The following ZNF385D variants were observed in gnomAD, a reference collection of about 807,000 sequenced individuals.
ZNF385D encodes zinc finger protein 659.
Under a neutral mutation model 35.8 loss-of-function variants are expected in ZNF385D, and 15 were observed. That is an observed-to-expected ratio of 0.42 (90% CI 0.28 to 0.64). The LOEUF (loss-of-function observed/expected upper bound fraction) is 0.64. Among genes scored for constraint, ZNF385D ranks in the 30% least tolerant of loss-of-function variants. ZNF385D has a pLI of 0.23. For missense variants in ZNF385D, 474 were observed against 494.6 expected (o/e 0.96, Z 0.39); for synonymous variants, 212 against 186.8 (o/e 1.13, Z -1.10).
At chr3:22,318,670 A>C (rs1195042265) in intron 2 of ZNF385D, among the ~76,000 whole-genome samples, 1 of 152,180 alleles carries the variant, frequency 6.6e-6, no homozygotes, top group Non-Finnish European at 1.5e-5. Flanking sequence ...ATTACCCAAG[A>C]TTGAGCACGA....
chr3:21,437,110 T>C lies in ZNF385D; in HGVS notation c.533A>G (p.Glu178Gly), dbSNP rs150175196. Residue 178 changes from glutamate to glycine, a missense_variant, in exon 5 of 8, where the codon GAA (glutamate) becomes GGA (glycine). Coordinates refer to ENST00000281523, the MANE Select transcript of ZNF385D (RefSeq NM_024697.3). ...VMTTEITSKV[E>G]KSPTTATGNS... ...GCCAGTGGCTGTCGTTGGGCTTTTT[T>C]CCACTTTAGAGGTGATCTCAGTTGT... 2.5e-5 allele frequency: 40 copies of C among 1,613,874 alleles called. No homozygotes were observed. Among genetic ancestry groups the C allele is most frequent in the Non-Finnish European group, 3.2e-5 (38 of 1,179,912 alleles).
chr3:21,739,175 A>C (rs2069387246), intron 1 of ZNF385D, among the ~76,000 whole-genome samples: 1 of 152,190 alleles, frequency 6.6e-6, no homozygotes, highest in African/African-American at 2.4e-5. Context: ...TAGAGGTCTA[A>C]GTGGTAGACT....
intron 3 of ZNF385D, among the ~76,000 whole-genome samples, chr3:22,096,916 A>AATG (rs1017265008): frequency 2.6e-5 from 4 of 152,066 alleles, no homozygotes; most frequent in African/African-American, 9.7e-5. Context: ...GAAATGACCT[A>AATG]ATGTCACTCT....
At position 22,006,962 on chromosome 3, in the gene ZNF385D, A is replaced by T. The variant is rs1042947461; in HGVS notation, c.325+161855T>A. Among the ~76,000 whole-genome samples the T allele has an allele frequency of 2.0e-5, 3 of 152,224 alleles. No individual in the cohort carries two copies. The South Asian group carries it at 6.2e-4, about 32-fold the overall frequency. On this transcript the variant is annotated intron_variant, in intron 3 of 5. Transcript: ENST00000494108. Reference sequence around the variant, plus strand: ...GAGGAAAAAAAAAGTCATTTAATATAGACATCAAGGCCTTAGACCTAGGGA... The same window carrying T: ...GAGGAAAAAAAAAGTCATTTAATATTGACATCAAGGCCTTAGACCTAGGGA...
At chr3:22,289,997 T>G (rs1432544805) in intron 2 of ZNF385D, among the ~76,000 whole-genome samples, 1 of 152,042 alleles carries the variant, frequency 6.6e-6, no homozygotes, top group Non-Finnish European at 1.5e-5. Flanking sequence ...AAGCTTTGAG[T>G]TTTAGCCCCT....
At chr3:22,141,507 T>C (rs913380631) in intron 3 of ZNF385D, among the ~76,000 whole-genome samples, 4 of 152,098 alleles carry the variant, frequency 2.6e-5, no homozygotes, top group African/African-American at 9.7e-5. Flanking sequence ...TTTCCAAGAT[T>C]AAGAAGGCCA....
At chr3:21,611,466 C>A (rs1575317920) in intron 2 of ZNF385D, among the ~76,000 whole-genome samples, 3 of 152,298 alleles carry the variant, frequency 2.0e-5, no homozygotes, top group Non-Finnish European at 2.9e-5. Context: ...CAGTCTGAGA[C>A]TTTAGTAACC....
chr3:22,302,838 TA>T (rs1245769050), intron 2 of ZNF385D, among the ~76,000 whole-genome samples: 1 of 152,158 alleles, frequency 6.6e-6, no homozygotes, highest in Non-Finnish European at 1.5e-5. Context: ...TTTGTATTTT[TA>T]TTTTAAATCA....
intron 2 of ZNF385D, among the ~76,000 whole-genome samples, chr3:22,361,870 CAAT>C (rs1696424403): frequency 6.6e-6 from 1 of 151,812 alleles, no homozygotes; most frequent in Non-Finnish European, 1.5e-5. Context: ...TGGGAAGAAA[CAAT>C]AATTCCAACA....
At chr3:21,761,642 A>G (rs2070613673) in intron 3 of ZNF385D, among the ~76,000 whole-genome samples, 1 of 152,122 alleles carries the variant, frequency 6.6e-6, no homozygotes, top group Non-Finnish European at 1.5e-5. Flanking sequence ...TATAGAGAGG[A>G]TAAGACACTT....
chr3:22,093,350 T>C, intron 3 of ZNF385D, among the ~76,000 whole-genome samples: 1 of 151,546 alleles, frequency 6.6e-6, no homozygotes, highest in African/African-American at 2.4e-5. Context: ...AAATAAAATA[T>C]TATTAAATAC....
At chr3:22,171,214 T>A (rs181061569) in intron 2 of ZNF385D, among the ~76,000 whole-genome samples, 2 of 152,220 alleles carry the variant, frequency 1.3e-5, no homozygotes, top group East Asian at 3.9e-4. Flanking sequence ...GCTACAGAGA[T>A]AGTCACAGTA....
chr3:22,061,963 T>C (rs1344331234), intron 3 of ZNF385D, among the ~76,000 whole-genome samples: 1 of 152,240 alleles, frequency 6.6e-6, no homozygotes, highest in Non-Finnish European at 1.5e-5. Flanking sequence ...GTGAATACCA[T>C]GCATTCAATA....
At chr3:21,955,601 C>G (rs58842146) in intron 3 of ZNF385D, among the ~76,000 whole-genome samples, 36,782 of 152,024 alleles carry the variant, frequency 0.24, 4,875 homozygotes, top group East Asian at 0.33. Flanking sequence ...CCAAACCAAA[C>G]AAAAACTTGA....
intron 2 of ZNF385D, among the ~76,000 whole-genome samples, chr3:22,256,327 A>G (rs547348645): frequency 3.3e-5 from 5 of 151,610 alleles, no homozygotes; most frequent in Admixed American, 6.6e-5. Context: ...TAATTAAGAA[A>G]GGTCTCCCCA....
intron 3 of ZNF385D, among the ~76,000 whole-genome samples, chr3:21,798,140 T>C (rs2072237132): frequency 6.6e-6 from 1 of 152,284 alleles, no homozygotes; most frequent in South Asian, 2.1e-4. Context: ...TATAGGAATA[T>C]GGGAAATCTC....
chr3:22,329,076 C>CAAAAA (rs776193960), intron 2 of ZNF385D, among the ~76,000 whole-genome samples: 53 of 74,594 alleles, frequency 7.1e-4, no homozygotes, highest in South Asian at 1.9e-3. Context: ...GACTCCGTCT[C>CAAAAA]AAAAAAAAAA....
chr3:21,882,098 C>T (rs1393013934), intron 3 of ZNF385D, among the ~76,000 whole-genome samples: 1 of 152,022 alleles, frequency 6.6e-6, no homozygotes, highest in Non-Finnish European at 1.5e-5. Context: ...TAGAATATTA[C>T]ATTAACTTAG....
At chr3:22,072,221 G>T (rs1700263105) in intron 3 of ZNF385D, among the ~76,000 whole-genome samples, 1 of 152,048 alleles carries the variant, frequency 6.6e-6, no homozygotes, top group Non-Finnish European at 1.5e-5. Context: ...AAAAAGGATA[G>T]AATTTCTTAA....
Sources: gnomAD v4.1 joint callset for allele counts (sites outside exome capture counted in the v4.1 genomes callset) on GRCh38, gnomAD v4.1.1 for gene constraint, MANE v1.5 for transcripts, NCBI Gene and HGNC (gene_info 2026-07-23, HGNC 2026-07-21) for gene names.